FAT1: variants seen among roughly 807,000 people sequenced by gnomAD.
FAT1 encodes the protein protocadherin Fat 1.
In FAT1, 171 loss-of-function variants were observed where a neutral mutation model predicts 329.8. That is an observed-to-expected ratio of 0.52 (90% CI 0.46 to 0.59). FAT1 has a LOEUF of 0.59. Among genes scored for constraint, FAT1 ranks in the 20% least tolerant of loss-of-function variants. FAT1 has a pLI of 0.00. For synonymous variants in FAT1, 2,233 were observed against 2,228.6 expected (o/e 1.00, Z -0.06); for missense variants, 5,672 against 5,774.4 (o/e 0.98, Z 0.57).
chr4:186,619,426 G>A lies in FAT1; in HGVS notation c.7160C>T (p.Pro2387Leu), dbSNP rs1287663390. The change falls in exon 10 of 27, where the codon CCA (proline) becomes CTA (leucine). Residue 2387 changes from proline (P) to leucine (L), a missense_variant. Around this residue, in one of 2 missense-constraint regions of FAT1, gnomAD observed 3,966 missense variants for 3,915.2 expected, o/e 1.01. Coordinates refer to ENST00000441802, the MANE Select transcript of FAT1 (RefSeq NM_005245.4). The stretch of plus-strand genomic sequence containing the variant: ...ATAAATCTGTTGTTCAAAGAGTGGT[G>A]GATTATCATTGAGGTCGGTAACGTC... ...TVDVTDLNDNPPLFEQQIYEA... is the reference protein window; with the variant it reads ...TVDVTDLNDNLPLFEQQIYEA... The A allele has an allele frequency of 1.2e-6, 2 of 1,613,968 alleles. No individual in the cohort carries two copies. Among genetic ancestry groups the A allele is most frequent in the Non-Finnish European group, 8.5e-7 (1 of 1,179,886 alleles).
rs187793072 is a variant in FAT1 at position 186,602,860 on chromosome 4, C to T, written c.11482+43G>A. ...AGAAAATGGTAAGAAACAATGAAAC[C>T]GATTTTTAAAAATAAAAGTATACCC... On this transcript the variant is annotated intron_variant, in intron 20 of 26. Transcript: ENST00000441802. The T allele has an allele frequency of 1.1e-4, 171 of 1,568,360 alleles. No homozygotes were observed. The East Asian group carries it at 2.8e-3, about 26-fold the overall frequency.
Position 186,620,940 on chromosome 4 carries a change from T to A in FAT1, c.5646A>T (p.Pro1882=). Residue 1882 remains proline, a synonymous_variant, in exon 10 of 27, where the codon CCA becomes CCT. Coordinates refer to ENST00000441802, the MANE Select transcript of FAT1 (RefSeq NM_005245.4). ...INDCPPVFAK[P]LYEASLLLPT... ...GTAACAAAAGAGATGCTTCATATAA[T>A]GGCTTGGCAAACACAGGGGGGCAGT... 6.2e-7 allele frequency: 1 copy of A among 1,614,010 alleles called. No individual in the cohort carries two copies. The highest frequency in any genetic ancestry group is 2.2e-5 in the East Asian group (1 of 44,888).
At chr4:186,692,901 T>TC (rs1327550817) in intron 2 of FAT1, among the ~76,000 whole-genome samples, 2 of 152,170 alleles carry the variant, frequency 1.3e-5, no homozygotes, top group Non-Finnish European at 2.9e-5. Flanking sequence ...TACCAGACAC[T>TC]CCATCTCTCC....
chr4:186,630,438 T>C (rs1265578867), intron 7 of FAT1, among the ~76,000 whole-genome samples: 1 of 152,174 alleles, frequency 6.6e-6, no homozygotes, highest in Non-Finnish European at 1.5e-5. Context: ...CAGAGTCAAA[T>C]ACGCAGAGCC....
chr4:186,627,161 AGAAT>A (rs753044403), intron 9 of FAT1, among the ~76,000 whole-genome samples: 6 of 81,258 alleles, frequency 7.4e-5, no homozygotes, highest in Non-Finnish European at 1.2e-4. Context: ...ACCAGCCCAC[AGAAT>A]GAATGAATGA....
chr4:186,686,167 T>C (rs926285340), intron 2 of FAT1, among the ~76,000 whole-genome samples: 3 of 152,172 alleles, frequency 2.0e-5, no homozygotes, highest in Non-Finnish European at 4.4e-5. Flanking sequence ...TTGGTACTGC[T>C]GCCTTTAGAA....
At chr4:186,660,126 C>T (rs1322946167) in intron 3 of FAT1, among the ~76,000 whole-genome samples, 3 of 152,164 alleles carry the variant, frequency 2.0e-5, no homozygotes, top group African/African-American at 4.8e-5. Flanking sequence ...TTAAGTAACA[C>T]GATTTAGGGT....
At chr4:186,685,902 A>G (rs1560991644) in intron 2 of FAT1, among the ~76,000 whole-genome samples, 1 of 152,206 alleles carries the variant, frequency 6.6e-6, no homozygotes, top group Admixed American at 6.5e-5. Context: ...GAATCTGTAT[A>G]AGGAAATCTA....
At chr4:186,646,082 G>C (rs1227062052) in intron 3 of FAT1, among the ~76,000 whole-genome samples, 1 of 151,214 alleles carries the variant, frequency 6.6e-6, no homozygotes. Flanking sequence ...AAGAGAGCAA[G>C]CACTTGCAAT....
In FAT1 at chr4:186,707,226, ATGTGTC is replaced by A. The variant is rs1250183492; in HGVS notation, c.2596_2601del (p.Asp866_Thr867del). ...ACACCCGTCACGCTGTCAATTGAAA[ATGTGTC>A]TGTGTCTGTAACAATTGAGTACGTC... is the stretch of plus-strand genomic sequence containing the variant. On this transcript the variant is annotated inframe_deletion, in exon 2 of 27. Transcript: ENST00000441802. The A allele has an allele frequency of 1.2e-6, 2 of 1,613,750 alleles. No homozygotes were observed. The highest frequency in any genetic ancestry group is 3.3e-5 in the Admixed American group (2 of 59,994).
rs980146158 is a variant in FAT1 at position 186,619,771 on chromosome 4, A to G, written c.6815T>C (p.Ile2272Thr). The change falls in exon 10 of 27, where the codon ATA becomes ACA. Residue 2272 changes from isoleucine to threonine, a missense_variant. This residue lies in a region of FAT1 where 3,966 missense variants were observed against 3,915.2 expected (regional missense o/e 1.01). Transcript: ENST00000441802. The stretch of plus-strand genomic sequence containing the variant: ...AGGGTTATCATTGATGTCGTCTACT[A>G]TGATGTCCACAAATACTTCAGCATG... ...GAHAEVFVDI[I>T]VDDINDNPPV... The G allele has an allele frequency of 1.2e-6, 2 of 1,613,902 alleles. No individual in the cohort carries two copies. Among genetic ancestry groups the G allele is most frequent in the African/African-American group, 2.7e-5 (2 of 74,920 alleles).
intron 3 of FAT1, among the ~76,000 whole-genome samples, chr4:186,642,321 C>G (rs1171238724): frequency 1.3e-5 from 2 of 152,186 alleles, no homozygotes; most frequent in Non-Finnish European, 2.9e-5. Flanking sequence ...TATTACTCCA[C>G]AGTATTAAAG....
chr4:186,641,198 A>C (rs755421643), intron 3 of FAT1, among the ~76,000 whole-genome samples: 16 of 152,310 alleles, frequency 1.1e-4, no homozygotes, highest in South Asian at 2.1e-4. Context: ...CTCACAATTC[A>C]ACGAAACAGT....
intron 2 of FAT1, among the ~76,000 whole-genome samples, chr4:186,669,887 A>G (rs1197496106): frequency 6.6e-6 from 1 of 152,176 alleles, no homozygotes; most frequent in East Asian, 1.9e-4. Flanking sequence ...ACAGTTTCCA[A>G]TAATAACTCC....
At chr4:186,589,426 C>T (rs900797618) in intron 26 of FAT1, among the ~76,000 whole-genome samples, 3 of 152,148 alleles carry the variant, frequency 2.0e-5, no homozygotes, top group Admixed American at 2.0e-4. Flanking sequence ...GGCTCTAGTT[C>T]TAAAATGTGG....
In FAT1 at chr4:186,636,192, G is replaced by A; in HGVS notation, c.4016C>T (p.Thr1339Ile). The A allele has an allele frequency of 1.9e-6, 3 of 1,614,022 alleles. No homozygotes were observed. Among genetic ancestry groups the A allele is most frequent in the Non-Finnish European group, 2.5e-6 (3 of 1,179,900 alleles). Residue 1339 changes from threonine to isoleucine, a missense_variant, in exon 6 of 27, where the codon ACC (threonine) becomes ATC (isoleucine). Thr to Ile is a moderately conservative substitution (Grantham distance 89). Around this residue, in one of 2 missense-constraint regions of FAT1, gnomAD observed 3,966 missense variants for 3,915.2 expected, o/e 1.01. Coordinates refer to ENST00000441802, the MANE Select transcript of FAT1 (RefSeq NM_005245.4). ...GGAGATCCATTCAATATGGAGTCTG[G>A]TGGTTGATGACTTTTGAGGGCGACC... ...DNGRPQKSST[T>I]RLHIEWISKP...
At chr4:186,635,941 C>G in intron 6 of FAT1, 84 bp downstream of exon 6, 2 of 1,207,116 alleles carry the variant, frequency 1.7e-6, no homozygotes, top group South Asian at 2.8e-5. Context: ...TAAATCCTGA[C>G]TTGTGCCCAA....
chr4:186,697,621 G>C (rs1419104325), intron 2 of FAT1, among the ~76,000 whole-genome samples: 2 of 152,140 alleles, frequency 1.3e-5, no homozygotes, highest in Non-Finnish European at 2.9e-5. Flanking sequence ...CCTGTCCATT[G>C]TTAAGGTTTA....
chr4:186,636,513 T>C (rs1348329305), intron 5 of FAT1, 72 bp downstream of exon 5: 2 of 1,438,216 alleles, frequency 1.4e-6, no homozygotes, highest in African/African-American at 2.9e-5. Context: ...ATAAAGTTAC[T>C]AAAGAAAAAA....
Sources: allele counts gnomAD v4.1 joint callset (sites outside exome capture counted in the v4.1 genomes callset), GRCh38; gene constraint gnomAD v4.1.1; regional missense constraint gnomAD v4.1.1; transcripts MANE v1.5; gene names NCBI Gene and HGNC (gene_info 2026-07-23, HGNC 2026-07-21).